Variants in PLEKHF2 observed in about 807,000 individuals in gnomAD.
PLEKHF2 encodes pleckstrin homology and FYVE domain containing 2.
A neutral mutation model predicts 14.7 loss-of-function variants in PLEKHF2; 4 were observed. That is an observed-to-expected ratio of 0.27 (90% confidence interval 0.13 to 0.62). The LOEUF is 0.62. Among genes scored for constraint, PLEKHF2 ranks in the 20% least tolerant of loss-of-function variants. PLEKHF2 has a pLI of 0.85. For synonymous variants in PLEKHF2, 90 were observed against 103.5 expected (o/e 0.87, Z 0.79); for missense variants, 201 against 307.7 (o/e 0.65, Z 2.60).
At chr8:95,147,044 A>G (rs1188815895) in intron 1 of PLEKHF2, among the ~76,000 whole-genome samples, 1 of 152,118 alleles carries the variant, frequency 6.6e-6, no homozygotes, top group Non-Finnish European at 1.5e-5. Flanking sequence ...TTACTATGCC[A>G]TAAAAGATTT....
At chr8:95,146,267 A>T (rs951171657) in intron 1 of PLEKHF2, among the ~76,000 whole-genome samples, 1 of 152,182 alleles carries the variant, frequency 6.6e-6, no homozygotes, top group Admixed American at 6.5e-5. Flanking sequence ...TGTCTGAACC[A>T]AGATTAGAAT....
intron 1 of PLEKHF2, among the ~76,000 whole-genome samples, chr8:95,141,905 C>T (rs1029870533): frequency 1.3e-5 from 2 of 151,862 alleles, no homozygotes; most frequent in Admixed American, 6.6e-5. Flanking sequence ...CATTTTTTTG[C>T]CTTCTTAAAT....
At position 95,155,621 on chromosome 8, in the gene PLEKHF2, A is replaced by G. The variant is rs528993661; in HGVS notation, c.*827A>G. The G allele has an allele frequency of 3.6e-5, 6 of 167,198 alleles. No individual in the cohort carries two copies. The East Asian group carries it at 9.6e-4, about 27-fold the overall frequency. The allele number at this position is 167,198 out of a possible 1,614,324, so 10.4% of individuals were successfully genotyped here. On this transcript the variant is annotated 3_prime_UTR_variant, in exon 2 of 2. Coordinates refer to ENST00000315367, the MANE Select transcript of PLEKHF2 (RefSeq NM_024613.4). ...CAGTTATACAGAATTGTCATACTGC[A>G]TTAGCTTCTACCTTTAGTAAGACAT...
At chr8:95,135,360 A>G (rs1228447000) in intron 1 of PLEKHF2, among the ~76,000 whole-genome samples, 2 of 152,186 alleles carry the variant, frequency 1.3e-5, no homozygotes, top group Non-Finnish European at 2.9e-5. Context: ...GCTTCTGCTC[A>G]TATTTGATTG....
At chr8:95,134,555 G>A (rs1180344762) in intron 1 of PLEKHF2, among the ~76,000 whole-genome samples, 1 of 152,214 alleles carries the variant, frequency 6.6e-6, no homozygotes, top group Non-Finnish European at 1.5e-5. Flanking sequence ...GACGAAAATG[G>A]CCCCGCAGAA....
intron 1 of PLEKHF2, among the ~76,000 whole-genome samples, chr8:95,151,909 T>TA (rs1270845558): frequency 2.0e-5 from 3 of 152,136 alleles, no homozygotes; most frequent in Non-Finnish European, 4.4e-5. Context: ...TGCTTACAGA[T>TA]ACAGATGTCT....
chr8:95,147,941 A>G (rs188324107), intron 1 of PLEKHF2, among the ~76,000 whole-genome samples: 76 of 152,092 alleles, frequency 5.0e-4, no homozygotes, highest in African/African-American at 1.8e-3. Context: ...ACAACACTTA[A>G]TAATGATAGT....
chr8:95,152,892 T>A (rs1021321592), intron 1 of PLEKHF2, among the ~76,000 whole-genome samples: 1 of 152,176 alleles, frequency 6.6e-6, no homozygotes, highest in African/African-American at 2.4e-5. Context: ...AGGCTTGTTG[T>A]TCTTTAATAT....
At position 95,154,866 on chromosome 8, in the gene PLEKHF2, G is replaced by A; in HGVS notation, c.*72G>A. The A allele has an allele frequency of 1.3e-6, 2 of 1,539,354 alleles. No homozygotes were observed. The highest frequency in any genetic ancestry group is 1.4e-5 in the African/African-American group (1 of 71,814). On this transcript the variant is annotated 3_prime_UTR_variant, in exon 2 of 2. Coordinates refer to ENST00000315367, the MANE Select transcript of PLEKHF2 (RefSeq NM_024613.4). This position sits in a 1 kb window ranked among gnomAD's most constrained non-coding sequence, Gnocchi z 5.6. ...AACTTTGGGGGAAATGTAAGATTCT[G>A]AGCTCTCTCTCTGTTTTGTTCTAGC...
At chr8:95,138,651 G>C (rs1810405585) in intron 1 of PLEKHF2, among the ~76,000 whole-genome samples, 1 of 151,914 alleles carries the variant, frequency 6.6e-6, no homozygotes, top group Non-Finnish European at 1.5e-5. Flanking sequence ...CTGACTTTTT[G>C]GTGCATATCA....
intron 1 of PLEKHF2, among the ~76,000 whole-genome samples, chr8:95,151,171 G>C (rs1209895657): frequency 3.3e-5 from 5 of 152,028 alleles, no homozygotes; most frequent in Non-Finnish European, 5.9e-5. Context: ...AACTTCTCTA[G>C]TAACTTCATA....
At chr8:95,152,538 G>T (rs1810574847) in intron 1 of PLEKHF2, among the ~76,000 whole-genome samples, 1 of 151,682 alleles carries the variant, frequency 6.6e-6, no homozygotes, top group Non-Finnish European at 1.5e-5. Flanking sequence ...CTGTTTATTA[G>T]CCGTTTTTAT....
intron 1 of PLEKHF2, among the ~76,000 whole-genome samples, chr8:95,136,682 CTTAGAATTT>C (rs1810379656): frequency 6.6e-6 from 1 of 152,052 alleles, no homozygotes; most frequent in African/African-American, 2.4e-5. Context: ...CCGGAATTGT[CTTAGAATTT>C]TTAGAATGCC....
Position 95,155,071 on chromosome 8 carries a change from G to T in PLEKHF2, c.*277G>T. On this transcript the variant is annotated 3_prime_UTR_variant, in exon 2 of 2. Transcript: ENST00000315367. ...TTATTTTCTTGGAAGGTTGGGAAAA[G>T]ATGTTTGTTTTAACAGGTCATGTAC... The T allele has an allele frequency of 2.5e-6, 1 of 400,898 alleles. No homozygotes were observed. The highest frequency in any genetic ancestry group is 4.7e-6 in the Non-Finnish European group (1 of 214,150). 24.8% of individuals were successfully genotyped at this position (400,898 alleles called of 1,614,324 possible). A position where few individuals can be genotyped will look rare whatever the true frequency, so the allele number is the denominator to read the frequency against.
intron 1 of PLEKHF2, among the ~76,000 whole-genome samples, chr8:95,136,983 T>A (rs1055844619): frequency 2.0e-5 from 3 of 152,212 alleles, no homozygotes; most frequent in African/African-American, 7.2e-5. Context: ...AACCACAAAC[T>A]AATGTGCTCA....
At chr8:95,148,654 A>G (rs951490617) in intron 1 of PLEKHF2, among the ~76,000 whole-genome samples, 1 of 152,074 alleles carries the variant, frequency 6.6e-6, no homozygotes, top group Non-Finnish European at 1.5e-5. Flanking sequence ...TATATGCATT[A>G]TCTCATTCAT....
chr8:95,142,538 G>A (rs1037642116), intron 1 of PLEKHF2, among the ~76,000 whole-genome samples: 3 of 152,192 alleles, frequency 2.0e-5, no homozygotes, highest in Non-Finnish European at 4.4e-5. Context: ...ACAGGCTTGT[G>A]CCATTATGCC....
intron 1 of PLEKHF2, among the ~76,000 whole-genome samples, chr8:95,148,357 G>A (rs1300409501): frequency 6.6e-6 from 1 of 152,012 alleles, no homozygotes; most frequent in Non-Finnish European, 1.5e-5. Context: ...TGATTCCAAT[G>A]TGAAGCTAAG....
intron 1 of PLEKHF2, among the ~76,000 whole-genome samples, chr8:95,141,706 T>G (rs1220992107): frequency 2.4e-5 from 2 of 84,340 alleles, no homozygotes; most frequent in Non-Finnish European, 4.4e-5. Context: ...TTGTGTTTTG[T>G]TTTTTTTTTT....
Sources: allele counts gnomAD v4.1 joint callset (sites outside exome capture counted in the v4.1 genomes callset), GRCh38; gene constraint gnomAD v4.1.1; non-coding constraint Gnocchi (gnomAD v3.1); transcripts MANE v1.5; gene names NCBI Gene and HGNC (gene_info 2026-07-23, HGNC 2026-07-21).